LY75: variants seen among roughly 807,000 people sequenced by gnomAD.
LY75 encodes the protein C-type lectin domain family 13 member B.
In LY75, 185 loss-of-function variants were observed where a neutral mutation model predicts 231.7. The observed-to-expected ratio is 0.80, with a 90% CI of 0.71 to 0.90. The LOEUF is 0.90. Ranked by LOEUF, LY75 falls within the 40% of genes least tolerant of loss-of-function variation. The pLI, the probability that LY75 is intolerant of heterozygous loss-of-function variation, is 0.00. For synonymous variants in LY75, 668 were observed against 689.0 expected, an observed-to-expected ratio of 0.97 and a Z score of 0.48; for missense variants, 1,947 against 2,050.2, an observed-to-expected ratio of 0.95 and a Z score of 0.97.
At chr2:159,853,835 A>G in intron 18 of LY75, 138 bp from the exon 19 acceptor site, 1 of 1,144,796 alleles carries the variant, frequency 8.7e-7, no homozygotes, top group Non-Finnish European at 1.2e-6. Context: ...AATTATACAA[A>G]CTAGAACCTT....
At chr2:159,860,710 G>T (rs1253772157) in intron 15 of LY75, 111 bp downstream of exon 15, 14 of 1,288,132 alleles carry the variant, frequency 1.1e-5, no homozygotes, top group Non-Finnish European at 1.4e-5. Context: ...ATCTCTCACT[G>T]CATCTAACAT....
Position 159,833,748 on chromosome 2 carries a change from G to A in LY75, c.3841+296C>T, listed in dbSNP as rs150568624. 8.1e-3 allele frequency among the ~76,000 whole-genome samples: 1,233 copies of A among 152,272 alleles called. 9 individuals are homozygous for A. The highest frequency in any genetic ancestry group is 0.015 in the Non-Finnish European group (997 of 68,024). On this transcript the variant is annotated intron_variant, in intron 27 of 34. Transcript: ENST00000263636. ...AGCTCCCATAATCCCCACATGTCAT[G>A]GGAGGGACCTGGTGGGAGGTAATTG... is the stretch of plus-strand genomic sequence containing the variant.
chr2:159,904,513 GC>G, intron 1 of LY75, 75 bp downstream of exon 1: 1 of 1,422,232 alleles, frequency 7.0e-7, no homozygotes, highest in African/African-American at 1.5e-5. Context: ...GCGCAGCCCT[GC>G]CCCAGGCTGG....
In LY75 at chr2:159,881,048, G is replaced by A. The variant is rs141380027; in HGVS notation, c.1404+35C>T. ...CTTAATATTATCATTAGGTAAAACA[G>A]GAAGAATATAAAGAAACCACAGGAG... On this transcript the variant is annotated intron_variant, in intron 8 of 34. Coordinates refer to ENST00000263636, the MANE Select transcript of LY75 (RefSeq NM_002349.4). The A allele has an allele frequency of 2.2e-4, 355 of 1,596,524 alleles. 1 individual carries two copies. In the African/African-American group the frequency reaches 4.2e-3, roughly 19 times the overall value.
chr2:159,849,027 T>G lies in LY75; in HGVS notation c.3150+953A>C, dbSNP rs952350606. Among the ~76,000 whole-genome samples the G allele has an allele frequency of 4.6e-5, 7 of 152,210 alleles. No homozygotes were observed. The South Asian group carries it at 6.2e-4, about 14-fold the overall frequency. On this transcript the variant is annotated intron_variant, in intron 23 of 34. Transcript: ENST00000263636. The stretch of plus-strand genomic sequence containing the variant: ...TTACTATAGATTATGCTTAAAAGTT[T>G]AAACTGTCTTAAGATTAGGGTTGAC...
At chr2:159,818,585 A>C (rs1366153050) in intron 29 of LY75, among the ~76,000 whole-genome samples, 1 of 152,190 alleles carries the variant, frequency 6.6e-6, no homozygotes, top group South Asian at 2.1e-4. Flanking sequence ...AAGTATGTTA[A>C]ATAAAAACTA....
chr2:159,858,348 T>C lies in LY75; in HGVS notation c.2383+14A>G, dbSNP rs1233140223. ...AACATGAGAAGGTTGTGAAAAGGAA[T>C]AACTACCACTTACCTTTTGGAATTT... is the stretch of plus-strand genomic sequence containing the variant. On this transcript the variant is annotated intron_variant, in intron 16 of 34. Transcript: ENST00000263636. The C allele has an allele frequency of 6.2e-7, 1 of 1,611,036 alleles. No individual in the cohort carries two copies. The highest frequency in any genetic ancestry group is 8.5e-7 in the Non-Finnish European group (1 of 1,178,864).
At chr2:159,894,215 C>T (rs1685843139) in intron 2 of LY75, 131 bp from the exon 3 acceptor site, 3 of 1,161,814 alleles carry the variant, frequency 2.6e-6, no homozygotes, top group Non-Finnish European at 3.5e-6. Context: ...GAATTCAGAG[C>T]ATGGGTGCTG....
chr2:159,869,437 G>A (rs10497205), intron 13 of LY75, among the ~76,000 whole-genome samples: 36,700 of 152,098 alleles, frequency 0.24, 5,866 homozygotes, highest in Non-Finnish European at 0.36. Flanking sequence ...CAGTGAAATC[G>A]GAAGCTTGTT....
intron 23 of LY75, among the ~76,000 whole-genome samples, chr2:159,847,666 C>T (rs1014878352): frequency 2.0e-5 from 3 of 152,118 alleles, no homozygotes; most frequent in African/African-American, 7.2e-5. Context: ...GAGTGCCTGG[C>T]ACATCTTAAC....
At chr2:159,890,778 A>G (rs1685730079) in intron 3 of LY75, among the ~76,000 whole-genome samples, 1 of 152,080 alleles carries the variant, frequency 6.6e-6, no homozygotes, top group Admixed American at 6.6e-5. Flanking sequence ...CATAAAAACC[A>G]CTGTATGTTT....
Position 159,894,078 on chromosome 2 carries a change from T to C in LY75, c.473A>G (p.Tyr158Cys). 1 of 1,605,562 alleles carries C rather than the reference T, an allele frequency of 6.2e-7. No homozygotes were observed. The highest frequency in any genetic ancestry group is 8.5e-7 in the Non-Finnish European group (1 of 1,176,078). The stretch of plus-strand genomic sequence containing the variant: ...CCCATAAGAGTTCCCATCTCTGGTA[T>C]AGATCTCTGGGTTGGAGAGGAAGTT... ...SLCDQPYHEI[Y>C]TRDGNSYGRP... The change falls in exon 3 of 35, where the codon TAT becomes TGT. Residue 158 changes from tyrosine (Y) to cysteine (C), a missense_variant. Physicochemically the swap from Tyr to Cys is radical, Grantham distance 194. Transcript: ENST00000263636.
intron 11 of LY75, among the ~76,000 whole-genome samples, chr2:159,876,312 A>T (rs1685265841): frequency 6.6e-6 from 1 of 152,208 alleles, no homozygotes; most frequent in Non-Finnish European, 1.5e-5. Context: ...GTCTGACAAA[A>T]CATCATGTTC....
Position 159,853,591 on chromosome 2 carries a change from T to C in LY75, c.2663+39A>G. Reference sequence around the variant, plus strand: ...AGTAAAAGGAACTGCTTCTTTTAAGTGATAACTTTACAAAGGTAGAATCAA... The same window carrying C: ...AGTAAAAGGAACTGCTTCTTTTAAGCGATAACTTTACAAAGGTAGAATCAA... On this transcript the variant is annotated intron_variant, in intron 19 of 34. Transcript: ENST00000263636. The C allele has an allele frequency of 1.9e-6, 3 of 1,612,412 alleles. No homozygotes were observed. In the East Asian group the frequency reaches 6.7e-5, roughly 36 times the overall value.
chr2:159,834,794 A>G (rs1274310689), intron 26 of LY75, among the ~76,000 whole-genome samples: 4 of 152,228 alleles, frequency 2.6e-5, no homozygotes, highest in Non-Finnish European at 5.9e-5. Flanking sequence ...CAAATACATT[A>G]AACTGATTTA....
intron 29 of LY75, among the ~76,000 whole-genome samples, chr2:159,817,771 G>C (rs1198154714): frequency 6.6e-6 from 1 of 152,214 alleles, no homozygotes; most frequent in Non-Finnish European, 1.5e-5. Flanking sequence ...ATTGGGGCCA[G>C]GTGCAGTGGC....
chr2:159,895,570 G>A (rs1685887682), intron 2 of LY75, among the ~76,000 whole-genome samples: 1 of 152,144 alleles, frequency 6.6e-6, no homozygotes, highest in African/African-American at 2.4e-5. Flanking sequence ...GAGATCATAG[G>A]GGAGGTATTA....
chr2:159,889,778 T>C (rs1300915660), intron 4 of LY75, among the ~76,000 whole-genome samples: 1 of 152,212 alleles, frequency 6.6e-6, no homozygotes, highest in African/African-American at 2.4e-5. Flanking sequence ...CTTTAAGATT[T>C]AGTAAAACAC....
chr2:159,854,350 T>G lies in LY75; in HGVS notation c.2595+10A>C. The G allele has an allele frequency of 1.8e-4, 234 of 1,331,592 alleles. No individual in the cohort carries two copies. The highest frequency in any genetic ancestry group is 2.4e-4 in the Middle Eastern group (1 of 4,212). 82.5% of individuals were successfully genotyped at this position (1,331,592 alleles called of 1,614,324 possible). On this transcript the variant is annotated intron_variant, in intron 18 of 34. Coordinates refer to ENST00000263636, the MANE Select transcript of LY75 (RefSeq NM_002349.4). ...AAGAAATATATTTAAAATATATTCT[T>G]TTAAATTACATTTGCTATTTTGTTT...
Sources: allele counts gnomAD v4.1 joint callset (sites outside exome capture counted in the v4.1 genomes callset), GRCh38; gene constraint gnomAD v4.1.1; transcripts MANE v1.5; gene names NCBI Gene and HGNC (gene_info 2026-07-23, HGNC 2026-07-21).